CAPZA2: variants seen among roughly 807,000 people sequenced by gnomAD.
CAPZA2 encodes the protein F-actin-capping protein subunit alpha-2.
In CAPZA2, 13 loss-of-function variants were observed where a neutral mutation model predicts 44.0. That is an observed-to-expected ratio of 0.30 (90% CI 0.19 to 0.47). The LOEUF (loss-of-function observed/expected upper bound fraction) is 0.47. Among genes scored for constraint, CAPZA2 ranks in the 20% least tolerant of loss-of-function variants. The probability of loss-of-function intolerance (pLI) is 1.00; values close to 1 mark genes in which losing one functional copy is unlikely to be tolerated. For synonymous variants in CAPZA2, 94 were observed against 108.2 expected (o/e 0.87, Z 0.81); for missense variants, 244 against 338.6 (o/e 0.72, Z 2.19).
intron 4 of CAPZA2, among the ~76,000 whole-genome samples, chr7:116,903,649 T>G (rs1461891007): frequency 2.0e-5 from 3 of 152,186 alleles, no homozygotes; most frequent in East Asian, 3.8e-4. Flanking sequence ...TTTTAAATAC[T>G]TGGAAGTCAA....
chr7:116,884,018 A>G (rs1796731454), intron 1 of CAPZA2, among the ~76,000 whole-genome samples: 1 of 152,150 alleles, frequency 6.6e-6, no homozygotes, highest in African/African-American at 2.4e-5. Flanking sequence ...CAGTATAAAT[A>G]CTTCCTAACA....
chr7:116,882,575 G>A (rs2115905841), intron 1 of CAPZA2, among the ~76,000 whole-genome samples: 1 of 152,170 alleles, frequency 6.6e-6, no homozygotes, highest in South Asian at 2.1e-4. Flanking sequence ...CAGTTGATGG[G>A]CAGAAATTAT....
At chr7:116,882,135 A>G (rs910448043) in intron 1 of CAPZA2, among the ~76,000 whole-genome samples, 14 of 152,208 alleles carry the variant, frequency 9.2e-5, no homozygotes, top group Non-Finnish European at 1.2e-4. Flanking sequence ...AGTTTCCTCA[A>G]TGTAAAATTA....
chr7:116,897,722 A>G (rs183411583), intron 3 of CAPZA2, among the ~76,000 whole-genome samples: 2 of 152,290 alleles, frequency 1.3e-5, no homozygotes, highest in Admixed American at 6.5e-5. Flanking sequence ...AATTTTTTCT[A>G]TACATATATA....
chr7:116,911,977 T>C, intron 7 of CAPZA2, 92 bp from the exon 8 acceptor site: 1 of 1,575,742 alleles, frequency 6.3e-7, no homozygotes, highest in Non-Finnish European at 8.6e-7. Flanking sequence ...AGAGCTGAAA[T>C]ATGTAGTCAG....
chr7:116,919,304 T>G lies in CAPZA2; in HGVS notation c.*1437T>G, dbSNP rs1372118572. On this transcript the variant is annotated 3_prime_UTR_variant, in exon 10 of 10. Coordinates refer to ENST00000361183, the MANE Select transcript of CAPZA2 (RefSeq NM_006136.3). ...TTTCTTTAGTTTTAAAATACAAGTT[T>G]TGGCACATTGGGATTCCTAAAGAAA... 6.6e-6 allele frequency: 1 copy of G among 152,552 alleles called. No individual in the cohort carries two copies. The highest frequency in any genetic ancestry group is 1.5e-5 in the Non-Finnish European group (1 of 68,028). 9.4% of individuals were successfully genotyped at this position (152,552 alleles called of 1,614,324 possible). A position where few individuals can be genotyped will look rare whatever the true frequency, so the allele number is the denominator to read the frequency against.
intron 1 of CAPZA2, among the ~76,000 whole-genome samples, chr7:116,866,466 C>T (rs1048992771): frequency 3.9e-5 from 6 of 152,208 alleles, no homozygotes; most frequent in Admixed American, 2.0e-4. Context: ...CCACCGTGCC[C>T]GGCCTCCCAT....
intron 1 of CAPZA2, 59 bp from the exon 2 acceptor site, chr7:116,888,068 G>C: frequency 8.3e-7 from 1 of 1,210,734 alleles, no homozygotes; most frequent in Non-Finnish European, 1.2e-6. Context: ...TGCATGTTTT[G>C]TGCTTATTTT....
At chr7:116,910,701 G>T (rs74801478) in intron 7 of CAPZA2, among the ~76,000 whole-genome samples, 8,384 of 152,104 alleles carry the variant, frequency 0.055, 793 homozygotes, top group African/African-American at 0.19. Flanking sequence ...TATATTGTAT[G>T]CATGTATTAA....
chr7:116,885,447 C>T (rs7800249), intron 1 of CAPZA2, among the ~76,000 whole-genome samples: 106,718 of 151,750 alleles, frequency 0.7, 37,607 homozygotes, highest in East Asian at 0.84. Flanking sequence ...AGTTCTACAG[C>T]GGACACCAGC....
At chr7:116,916,353 G>A (rs748783909) in intron 9 of CAPZA2, among the ~76,000 whole-genome samples, 2 of 152,230 alleles carry the variant, frequency 1.3e-5, no homozygotes, top group Non-Finnish European at 2.9e-5. Flanking sequence ...TAGGCCGAGC[G>A]CGGAGGCTCA....
intron 1 of CAPZA2, among the ~76,000 whole-genome samples, chr7:116,867,582 C>CTTT (rs67944722): frequency 7.0e-5 from 8 of 114,824 alleles, no homozygotes; most frequent in Admixed American, 9.3e-5. Flanking sequence ...ATTTCTCTCT[C>CTTT]TTTTTTTTTT....
intron 8 of CAPZA2, among the ~76,000 whole-genome samples, chr7:116,914,351 A>G (rs1048402217): frequency 6.6e-6 from 1 of 151,854 alleles, no homozygotes; most frequent in African/African-American, 2.4e-5. Flanking sequence ...TTTTAACTCA[A>G]GAAAGCATTT....
chr7:116,871,305 G>A (rs1403326483), intron 1 of CAPZA2, among the ~76,000 whole-genome samples: 3 of 152,148 alleles, frequency 2.0e-5, no homozygotes, highest in Admixed American at 6.5e-5. Flanking sequence ...AAGAAGGAGC[G>A]GTGCTCAGTG....
At chr7:116,879,181 C>T (rs921943048) in intron 1 of CAPZA2, among the ~76,000 whole-genome samples, 1 of 147,842 alleles carries the variant, frequency 6.8e-6, no homozygotes, top group Admixed American at 6.7e-5. Flanking sequence ...CTAATGCAGG[C>T]ATACTTCTTA....
At chr7:116,887,352 T>C (rs1280959831) in intron 1 of CAPZA2, among the ~76,000 whole-genome samples, 2 of 151,262 alleles carry the variant, frequency 1.3e-5, no homozygotes, top group African/African-American at 2.4e-5. Flanking sequence ...CATAGTGAGA[T>C]CCCTTCTCTA....
Position 116,910,269 on chromosome 7 carries a change from C to T in CAPZA2, c.543C>T (p.Ile181=), listed in dbSNP as rs1013787032. The T allele has an allele frequency of 1.6e-5, 26 of 1,602,552 alleles. No homozygotes were observed. The highest frequency in any genetic ancestry group is 2.2e-5 in the Non-Finnish European group (26 of 1,169,750). ...GRWRSEWKFT[I]TPSTTQVVGI... ...GGAGGTCAGAATGGAAGTTTACAAT[C>T]ACTCCTTCAACCACTCAAGTGGTTG... is the stretch of plus-strand genomic sequence containing the variant. The change falls in exon 7 of 10, where the codon ATC becomes ATT. Residue 181 remains isoleucine (I), a synonymous_variant. Coordinates refer to ENST00000361183, the MANE Select transcript of CAPZA2 (RefSeq NM_006136.3).
intron 3 of CAPZA2, among the ~76,000 whole-genome samples, chr7:116,896,663 C>T (rs1212854751): frequency 6.6e-6 from 1 of 152,080 alleles, no homozygotes; most frequent in African/African-American, 2.4e-5. Context: ...AATACAGTAA[C>T]AGGTGACTTA....
intron 1 of CAPZA2, among the ~76,000 whole-genome samples, chr7:116,865,203 TG>T (rs1328389761): frequency 3.0e-4 from 43 of 145,206 alleles, no homozygotes; most frequent in Admixed American, 2.1e-3. Flanking sequence ...TTTTTTTTTT[TG>T]ATACAGAGTC....
Sources: gnomAD v4.1 joint callset for allele counts (sites outside exome capture counted in the v4.1 genomes callset) on GRCh38, gnomAD v4.1.1 for gene constraint, MANE v1.5 for transcripts, NCBI Gene and HGNC (gene_info 2026-07-23, HGNC 2026-07-21) for gene names.